MPLKIP: variants seen among roughly 807,000 people sequenced by gnomAD.
The protein encoded by MPLKIP is M-phase-specific PLK1-interacting protein.
A neutral mutation model predicts 16.9 loss-of-function variants in MPLKIP; 16 were observed. That is an observed-to-expected ratio of 0.94 (90% CI 0.64 to 1.43). The LOEUF (loss-of-function observed/expected upper bound fraction) is 1.43, where lower values mean the gene tolerates loss of function less well. Among genes scored for constraint, MPLKIP ranks in the 40% most tolerant of loss-of-function variants. The pLI is 0.00. For missense variants in MPLKIP, 282 were observed against 237.6 expected, an observed-to-expected ratio of 1.19 and a Z score of -1.23; for synonymous variants, 126 against 98.4, an observed-to-expected ratio of 1.28 and a Z score of -1.66.
In MPLKIP at chr7:40,134,593, G is replaced by T. The variant is rs766280337; in HGVS notation, c.-26C>A. 1 of 1,558,068 alleles carries T rather than the reference G, an allele frequency of 6.4e-7. No individual in the cohort carries two copies. On this transcript the variant is annotated 5_prime_UTR_variant, in exon 1 of 2. Transcript: ENST00000306984. ...ATCAGGAGCCAAAGCCGAAAACCTC[G>T]CAGCCGCGTTCTCCCACCGGAACTG...
Position 40,133,357 on chromosome 7 carries a change from G to A in MPLKIP, c.340-98C>T, listed in dbSNP as rs1787501152. 3 of 1,048,800 alleles carry A rather than the reference G, an allele frequency of 2.9e-6. No individual in the cohort carries two copies. The African/African-American group carries it at 4.7e-5, about 16-fold the overall frequency. 65.0% of individuals were successfully genotyped at this position (1,048,800 alleles called of 1,614,324 possible). A position where few individuals can be genotyped will look rare whatever the true frequency, so the allele number is the denominator to read the frequency against. ...GCGGGAATCACATTGCTGCTTAAAA[G>A]TTGTGACTTGAACCTAAATAATGTT... On this transcript the variant is annotated intron_variant, in intron 1 of 1. Transcript: ENST00000306984.
intron 1 of MPLKIP, among the ~76,000 whole-genome samples, chr7:40,133,899 A>G (rs913522896): frequency 3.4e-4 from 51 of 149,666 alleles, no homozygotes; most frequent in African/African-American, 1.1e-3. Context: ...AAAAAAAAAA[A>G]AAAAAAAGAA....
rs1426431377 is a variant in MPLKIP at position 40,126,257 on chromosome 7, C to T, written c.*6802G>A. ...TTGTTTTGCAGACTTTTAAATTTGACGTAAAGAATATCACATAAGTTTTGC... is the reference window on the plus strand; with the variant it reads ...TTGTTTTGCAGACTTTTAAATTTGATGTAAAGAATATCACATAAGTTTTGC... On this transcript the variant is annotated 3_prime_UTR_variant, in exon 2 of 2. Coordinates refer to ENST00000306984, the MANE Select transcript of MPLKIP (RefSeq NM_138701.4). 3 of 152,062 alleles carry T rather than the reference C, an allele frequency of 2.0e-5. No homozygotes were observed. The highest frequency in any genetic ancestry group is 1.3e-4 in the Admixed American group (2 of 15,268). The allele number at this position is 152,062 out of a possible 1,614,324, so 9.4% of individuals were successfully genotyped here.
Position 40,132,977 on chromosome 7 carries a change from G to A in MPLKIP, c.*82C>T. ...TTATCCAATCAAAGTCATCATCTTT[G>A]GGTAAATTTATATCAACACAACTTA... is the stretch of plus-strand genomic sequence containing the variant. On this transcript the variant is annotated 3_prime_UTR_variant, in exon 2 of 2. Transcript: ENST00000306984. 1.7e-6 allele frequency: 2 copies of A among 1,201,800 alleles called. No individual in the cohort carries two copies. The highest frequency in any genetic ancestry group is 2.4e-6 in the Non-Finnish European group (2 of 822,012). The allele number at this position is 1,201,800 out of a possible 1,614,324, so 74.4% of individuals were successfully genotyped here. A position where few individuals can be genotyped will look rare whatever the true frequency, so the allele number is the denominator to read the frequency against.
rs1787449655 is a variant in MPLKIP at position 40,130,657 on chromosome 7, T to C, written c.*2402A>G. On this transcript the variant is annotated 3_prime_UTR_variant, in exon 2 of 2. Transcript: ENST00000306984. ...CCCAATGATCTAAGAGATGCTTCAG[T>C]AAATTATCTCCAAATGTCATTTCCT... 1 of 152,214 alleles carries C rather than the reference T, an allele frequency of 6.6e-6. No homozygotes were observed. Among genetic ancestry groups the C allele is most frequent in the Non-Finnish European group, 1.5e-5 (1 of 68,038 alleles). The allele number at this position is 152,214 out of a possible 1,614,324, so 9.4% of individuals were successfully genotyped here.
chr7:40,134,381 T>TCCCGTACGGCCTAGACCGGGG lies in MPLKIP; in HGVS notation c.166_186dup (p.Pro56_Gly62dup), dbSNP rs758804291. On this transcript the variant is annotated inframe_insertion, in exon 1 of 2. Transcript: ENST00000306984. ...CCGCCGTGTCGCGGAGAGTGACTGC[T>TCCCGTACGGCCTAGACCGGGG]CCCGTACGGCCTAGACCGGGGCCCG... 7 of 1,558,134 alleles carry TCCCGTACGGCCTAGACCGGGG rather than the reference T, an allele frequency of 4.5e-6. No homozygotes were observed. The highest frequency in any genetic ancestry group is 6.1e-6 in the Non-Finnish European group (7 of 1,152,462).
At position 40,132,652 on chromosome 7, in the gene MPLKIP, T is replaced by C. The variant is rs1244388598; in HGVS notation, c.*407A>G. ...TTACCTATTTCATTTTCAAAAATAA[T>C]TTGCAAAACATTTACCTATGAACTC... On this transcript the variant is annotated 3_prime_UTR_variant, in exon 2 of 2. Transcript: ENST00000306984. 1.2e-5 allele frequency: 3 copies of C among 247,922 alleles called. No individual in the cohort carries two copies. Among genetic ancestry groups the C allele is most frequent in the Non-Finnish European group, 2.4e-5 (3 of 125,254 alleles). The allele number at this position is 247,922 out of a possible 1,614,324, so 15.4% of individuals were successfully genotyped here.
chr7:40,133,756 C>A, intron 1 of MPLKIP, among the ~76,000 whole-genome samples: 1 of 152,010 alleles, frequency 6.6e-6, no homozygotes, highest in South Asian at 2.1e-4. Flanking sequence ...CCACAGAAAT[C>A]CCAGACATGC....
In MPLKIP at chr7:40,128,160, G is replaced by GA. The variant is rs1787415806; in HGVS notation, c.*4898dup. 1 of 152,000 alleles carries GA rather than the reference G, an allele frequency of 6.6e-6. No individual in the cohort carries two copies. Among genetic ancestry groups the GA allele is most frequent in the African/African-American group, 2.4e-5 (1 of 41,368 alleles). 9.4% of individuals were successfully genotyped at this position (152,000 alleles called of 1,614,324 possible). A position where few individuals can be genotyped will look rare whatever the true frequency, so the allele number is the denominator to read the frequency against. ...GTGCAGCAGTGAGAAGCGGGGGGAA[G>GA]ACGAGAACAAAGAGTTCGATCTGTA... On this transcript the variant is annotated 3_prime_UTR_variant, in exon 2 of 2. Transcript: ENST00000306984.
chr7:40,134,536 G>A lies in MPLKIP; in HGVS notation c.32C>T (p.Pro11Leu), dbSNP rs768815647. 1.7e-5 allele frequency: 27 copies of A among 1,593,814 alleles called. No individual in the cohort carries two copies. The highest frequency in any genetic ancestry group is 1.2e-4 in the Admixed American group (7 of 57,106). MQRQNFRPPT[P>L]PYPGPGGGGW... ...TCCTCCACCCGGACCAGGGTAAGGA[G>A]GAGTTGGGGGCCGAAAATTCTGTCG... Residue 11 changes from proline (P) to leucine (L), a missense_variant, in exon 1 of 2, where the codon CCT becomes CTT. Pro to Leu is a moderately conservative substitution (Grantham distance 98, BLOSUM62 -3). Transcript: ENST00000306984.
At chr7:40,133,349 G>T in intron 1 of MPLKIP, 90 bp from the exon 2 acceptor site, 1 of 1,156,158 alleles carries the variant, frequency 8.6e-7, no homozygotes, top group Non-Finnish European at 1.3e-6. Flanking sequence ...TCACATTGCT[G>T]CTTAAAAGTT....
rs1455317846 is a variant in MPLKIP at position 40,131,059 on chromosome 7, T to C, written c.*2000A>G. 6.6e-6 allele frequency: 1 copy of C among 152,190 alleles called. No individual in the cohort carries two copies. The highest frequency in any genetic ancestry group is 2.4e-5 in the African/African-American group (1 of 41,452). 9.4% of individuals were successfully genotyped at this position (152,190 alleles called of 1,614,324 possible). ...TTTCATACATAAATTCATTTAATCC[T>C]CCAACACAACACCTCTATGACACAG... On this transcript the variant is annotated 3_prime_UTR_variant, in exon 2 of 2. Coordinates refer to ENST00000306984, the MANE Select transcript of MPLKIP (RefSeq NM_138701.4).
Position 40,132,965 on chromosome 7 carries a change from GTCA to G in MPLKIP, c.*91_*93del. 9.2e-7 allele frequency: 1 copy of G among 1,088,696 alleles called. No homozygotes were observed. Among genetic ancestry groups the G allele is most frequent in the Non-Finnish European group, 1.4e-6 (1 of 724,264 alleles). The allele number at this position is 1,088,696 out of a possible 1,614,324, so 67.4% of individuals were successfully genotyped here. ...AGACCTTACTAATTATCCAATCAAAGTCATCATCTTTGGGTAAATTTATATCAA... is the reference window on the plus strand; with the variant it reads ...AGACCTTACTAATTATCCAATCAAAGTCATCTTTGGGTAAATTTATATCAA... On this transcript the variant is annotated 3_prime_UTR_variant, in exon 2 of 2. Transcript: ENST00000306984.
In MPLKIP at chr7:40,131,628, G is replaced by A. The variant is rs549422589; in HGVS notation, c.*1431C>T. ...GAAGCCAAGGTAGGGGATCACTTGAGACCAGGAGTTCAATCGAGACCAGCC... is the reference window on the plus strand; with the variant it reads ...GAAGCCAAGGTAGGGGATCACTTGAAACCAGGAGTTCAATCGAGACCAGCC... On this transcript the variant is annotated 3_prime_UTR_variant, in exon 2 of 2. Coordinates refer to ENST00000306984, the MANE Select transcript of MPLKIP (RefSeq NM_138701.4). The A allele has an allele frequency of 6.6e-6, 1 of 152,240 alleles. No homozygotes were observed. The highest frequency in any genetic ancestry group is 1.5e-5 in the Non-Finnish European group (1 of 68,082). The allele number at this position is 152,240 out of a possible 1,614,324, so 9.4% of individuals were successfully genotyped here. A position where few individuals can be genotyped will look rare whatever the true frequency, so the allele number is the denominator to read the frequency against.
rs1465973071 is a variant in MPLKIP at position 40,127,212 on chromosome 7, C to T, written c.*5847G>A. 2 of 152,006 alleles carry T rather than the reference C, an allele frequency of 1.3e-5. No homozygotes were observed. The highest frequency in any genetic ancestry group is 4.8e-5 in the African/African-American group (2 of 41,332). The allele number at this position is 152,006 out of a possible 1,614,324, so 9.4% of individuals were successfully genotyped here. ...TGGGCAGATCACGAGGTCAGGAGTT[C>T]GAGACCAGCCTTGCCAATATGGTGA... On this transcript the variant is annotated 3_prime_UTR_variant, in exon 2 of 2. Transcript: ENST00000306984.
Position 40,133,005 on chromosome 7 carries a change from G to C in MPLKIP, c.*54C>G. Reference sequence around the variant, plus strand: ...TAAATTTATATCAACACAACTTAAAGTTTTGTCCAAGATGTTCCTGACACA... The same window carrying C: ...TAAATTTATATCAACACAACTTAAACTTTTGTCCAAGATGTTCCTGACACA... On this transcript the variant is annotated 3_prime_UTR_variant, in exon 2 of 2. Transcript: ENST00000306984. The C allele has an allele frequency of 6.6e-7, 1 of 1,506,982 alleles. No homozygotes were observed. Among genetic ancestry groups the C allele is most frequent in the Non-Finnish European group, 9.2e-7 (1 of 1,087,804 alleles). 93.4% of individuals were successfully genotyped at this position (1,506,982 alleles called of 1,614,324 possible).
chr7:40,134,260 T>G lies in MPLKIP; in HGVS notation c.308A>C (p.Tyr103Ser). ...SPAGSQQQFGYSPGQQQTHPQ... is the reference protein window; with the variant it reads ...SPAGSQQQFGSSPGQQQTHPQ... ...GTGGGTCTGCTGCTGCCCTGGGGAG[T>G]AGCCGAATTGCTGCTGGGACCCCGC... Residue 103 changes from tyrosine to serine, a missense_variant, in exon 1 of 2, where the codon TAC (tyrosine) becomes TCC (serine). Tyr to Ser is a moderately radical substitution (Grantham distance 144, BLOSUM62 -2). Transcript: ENST00000306984. 6.4e-7 allele frequency: 1 copy of G among 1,560,228 alleles called. No homozygotes were observed. Among genetic ancestry groups the G allele is most frequent in the Non-Finnish European group, 8.7e-7 (1 of 1,152,108 alleles).
chr7:40,130,496 CTTTGT>C lies in MPLKIP; in HGVS notation c.*2558_*2562del, dbSNP rs1335506032. The C allele has an allele frequency of 2.0e-5, 3 of 152,240 alleles. No homozygotes were observed. Among genetic ancestry groups the C allele is most frequent in the Admixed American group, 6.5e-5 (1 of 15,284 alleles). 9.4% of individuals were successfully genotyped at this position (152,240 alleles called of 1,614,324 possible). On this transcript the variant is annotated 3_prime_UTR_variant, in exon 2 of 2. Transcript: ENST00000306984. ...GGTAAGCGTTAGCAAGAAATTTTAC[CTTTGT>C]TTTATGTTACACTTACAGTGAAATA...
intron 1 of MPLKIP, 48 bp downstream of exon 1, chr7:40,134,181 T>G (rs1336285593): frequency 6.5e-7 from 1 of 1,531,934 alleles, no homozygotes; most frequent in Admixed American, 2.0e-5. Context: ...ATTAGTACCG[T>G]GCCTGCCATA....
Sources: allele counts gnomAD v4.1 joint callset (sites outside exome capture counted in the v4.1 genomes callset), GRCh38; gene constraint gnomAD v4.1.1; transcripts MANE v1.5; gene names NCBI Gene and HGNC (gene_info 2026-07-23, HGNC 2026-07-21).